Variants in ADARB1 observed in about 807,000 individuals in gnomAD.
ADARB1 encodes the protein adenosine deaminase RNA specific B1.
In ADARB1, 10 loss-of-function variants were observed where a neutral mutation model predicts 52.4. That is an observed-to-expected ratio of 0.19 (90% CI 0.12 to 0.32). The LOEUF (loss-of-function observed/expected upper bound fraction) is 0.32, where lower values mean the gene tolerates loss of function less well. Ranked by LOEUF, ADARB1 falls within the 10% of genes least tolerant of loss-of-function variation. ADARB1 has a pLI of 1.00. For synonymous variants in ADARB1, 349 were observed against 371.1 expected (o/e 0.94, Z 0.68); for missense variants, 643 against 922.3 (o/e 0.70, Z 3.92).
At chr21:45,159,292 T>G (rs1267178848) in intron 2 of ADARB1, among the ~76,000 whole-genome samples, 2 of 152,056 alleles carry the variant, frequency 1.3e-5, no homozygotes, top group Non-Finnish European at 2.9e-5. Context: ...AAAAGTCAGA[T>G]CTCATGAGAC....
At chr21:45,123,095 C>T (rs1006357610) in intron 1 of ADARB1, among the ~76,000 whole-genome samples, 5 of 152,184 alleles carry the variant, frequency 3.3e-5, no homozygotes, top group South Asian at 2.1e-4. Flanking sequence ...TTTTCTAATA[C>T]ATTTTTATTG....
intron 6 of ADARB1, 134 bp downstream of exon 6, chr21:45,182,887 A>G (rs909995808): frequency 1.2e-6 from 1 of 832,104 alleles, no homozygotes; most frequent in South Asian, 2.0e-5. Context: ...ATTAGTAACA[A>G]TAAGGCTGCA....
intron 8 of ADARB1, among the ~76,000 whole-genome samples, chr21:45,190,833 A>C (rs2092261614): frequency 6.6e-6 from 1 of 152,226 alleles, no homozygotes; most frequent in African/African-American, 2.4e-5. Flanking sequence ...ACATCAGACT[A>C]ATGATCCACT....
chr21:45,180,647 G>T (rs763205688), intron 5 of ADARB1, among the ~76,000 whole-genome samples: 3 of 152,162 alleles, frequency 2.0e-5, no homozygotes, highest in Non-Finnish European at 4.4e-5. Flanking sequence ...ACCTAAGTTT[G>T]TTTTATCTGG....
chr21:45,225,224 A>G lies in ADARB1; in HGVS notation c.*3027A>G. 9.2e-7 allele frequency: 1 copy of G among 1,089,456 alleles called. No individual in the cohort carries two copies. The highest frequency in any genetic ancestry group is 1.1e-6 in the Non-Finnish European group (1 of 898,006). 67.5% of individuals were successfully genotyped at this position (1,089,456 alleles called of 1,614,324 possible). A position where few individuals can be genotyped will look rare whatever the true frequency, so the allele number is the denominator to read the frequency against. ...GGCGGTGTGTTCTGTGCCATGAGGC[A>G]GCGACAGGTCCAGATGGATGTCGTC... On this transcript the variant is annotated 3_prime_UTR_variant, in exon 11 of 11. Coordinates refer to ENST00000348831, the MANE Select transcript of ADARB1 (RefSeq NM_001112.4).
chr21:45,161,852 G>A (rs555029010), intron 2 of ADARB1, among the ~76,000 whole-genome samples: 21 of 152,168 alleles, frequency 1.4e-4, no homozygotes, highest in Non-Finnish European at 1.9e-4. Context: ...AAAAACCCCC[G>A]GACTCAGCCA....
At position 45,142,083 on chromosome 21, in the gene ADARB1, G is replaced by A. The variant is rs957488308; in HGVS notation, c.-48+13510G>A. On this transcript the variant is annotated intron_variant, in intron 2 of 10. Coordinates refer to ENST00000348831, the MANE Select transcript of ADARB1 (RefSeq NM_001112.4). The surrounding 1 kb of genome is among the most constrained non-coding windows in gnomAD (Gnocchi z 4.0). The stretch of plus-strand genomic sequence containing the variant: ...CCTTAGCCACCCCCGGGCCACCTTG[G>A]CCACTCTGGGTCACCTTGTCTACCC... 6.6e-6 allele frequency among the ~76,000 whole-genome samples: 1 copy of A among 152,178 alleles called. No individual in the cohort carries two copies. Among genetic ancestry groups the A allele is most frequent in the Non-Finnish European group, 1.5e-5 (1 of 68,014 alleles).
intron 2 of ADARB1, among the ~76,000 whole-genome samples, chr21:45,129,731 G>T (rs906279750): frequency 6.6e-6 from 1 of 152,040 alleles, no homozygotes; most frequent in Admixed American, 6.6e-5. Flanking sequence ...ATAGGTAGGG[G>T]GCGGTCACCA....
chr21:45,075,152 G>A (rs1413720295), intron 1 of ADARB1, among the ~76,000 whole-genome samples: 8 of 151,514 alleles, frequency 5.3e-5, no homozygotes, highest in African/African-American at 1.9e-4. Context: ...TTGGGGAGGG[G>A]ACGGTGTGCC....
intron 1 of ADARB1, among the ~76,000 whole-genome samples, chr21:45,075,193 G>C (rs1371827759): frequency 6.6e-6 from 1 of 150,682 alleles, no homozygotes; most frequent in African/African-American, 2.4e-5. Flanking sequence ...TGGGGACGAG[G>C]CTGCGCCCGG....
chr21:45,189,083 C>T (rs1462518645), intron 8 of ADARB1, among the ~76,000 whole-genome samples: 2 of 152,154 alleles, frequency 1.3e-5, no homozygotes, highest in Admixed American at 6.5e-5. Flanking sequence ...CCCTATGATT[C>T]GATTACCTCC....
intron 1 of ADARB1, among the ~76,000 whole-genome samples, chr21:45,102,711 C>T (rs2087075461): frequency 6.6e-6 from 1 of 152,172 alleles, no homozygotes; most frequent in Non-Finnish European, 1.5e-5. Context: ...AATAAATATC[C>T]ATGAGTCCAG....
At chr21:45,088,521 C>T (rs887358667) in intron 1 of ADARB1, among the ~76,000 whole-genome samples, 3 of 152,168 alleles carry the variant, frequency 2.0e-5, no homozygotes, top group African/African-American at 7.2e-5. Context: ...GGAGAAGGGA[C>T]ATCTCTTCCT....
Position 45,128,962 on chromosome 21 carries a change from A to C in ADARB1, c.-48+389A>C, listed in dbSNP as rs1227124759. 6.6e-6 allele frequency among the ~76,000 whole-genome samples: 1 copy of C among 152,218 alleles called. No homozygotes were observed. Among genetic ancestry groups the C allele is most frequent in the Non-Finnish European group, 1.5e-5 (1 of 68,042 alleles). Reference sequence around the variant, plus strand: ...TTATTTTCTTAGGAGTAATTAAAAGAAAATTTTCCTGTAATCCCAGCACAT... The same window carrying C: ...TTATTTTCTTAGGAGTAATTAAAAGCAAATTTTCCTGTAATCCCAGCACAT... On this transcript the variant is annotated intron_variant, in intron 2 of 10. Transcript: ENST00000348831. This position sits in a 1 kb window ranked among gnomAD's most constrained non-coding sequence, Gnocchi z 4.6.
chr21:45,074,838 C>G (rs985325057), intron 1 of ADARB1, 45 bp downstream of exon 1: 1 of 148,320 alleles, frequency 6.7e-6, no homozygotes, highest in Non-Finnish European at 1.5e-5. Context: ...GGCGCGGGCT[C>G]CGGACCCCGC....
At position 45,204,584 on chromosome 21, in the gene ADARB1, T is replaced by C; in HGVS notation, c.1595T>C (p.Leu532Pro). The C allele has an allele frequency of 6.2e-7, 1 of 1,614,172 alleles. No homozygotes were observed. The highest frequency in any genetic ancestry group is 8.5e-7 in the Non-Finnish European group (1 of 1,180,018). The change falls in exon 9 of 11, where the codon CTG becomes CCG. Residue 532 changes from leucine to proline, a missense_variant. Leu to Pro is a moderately conservative substitution (Grantham distance 98, BLOSUM62 -3). This residue lies in a region of ADARB1 where 263 missense variants were observed against 475.8 expected (regional missense o/e 0.55). Coordinates refer to ENST00000348831, the MANE Select transcript of ADARB1 (RefSeq NM_001112.4). The surrounding 1 kb of genome is among the most constrained non-coding windows in gnomAD (Gnocchi z 4.4). Reference sequence around the variant, plus strand: ...AACGTGGTGGGCATCCAGGGATCCCTGCTCAGCATTTTCGTGGAGCCCATT... The same window carrying C: ...AACGTGGTGGGCATCCAGGGATCCCCGCTCAGCATTTTCGTGGAGCCCATT... ...RWNVVGIQGS[L>P]LSIFVEPIYF...
At chr21:45,122,894 C>G (rs150853670) in intron 1 of ADARB1, among the ~76,000 whole-genome samples, 2 of 152,182 alleles carry the variant, frequency 1.3e-5, no homozygotes, top group African/African-American at 4.8e-5. Context: ...AATCTCATAG[C>G]TCTTCTGCAC....
At chr21:45,082,598 A>T (rs1217873066) in intron 1 of ADARB1, among the ~76,000 whole-genome samples, 1 of 152,244 alleles carries the variant, frequency 6.6e-6, no homozygotes, top group African/African-American at 2.4e-5. Flanking sequence ...TTATCAGATC[A>T]GAAAACTGAT....
intron 1 of ADARB1, among the ~76,000 whole-genome samples, chr21:45,096,567 T>C (rs571792373): frequency 2.1e-4 from 32 of 152,290 alleles, no homozygotes; most frequent in African/African-American, 6.7e-4. Flanking sequence ...GATTTGTTTC[T>C]GGTGAGCCTT....
Sources: gnomAD v4.1 joint callset for allele counts (sites outside exome capture counted in the v4.1 genomes callset) on GRCh38, gnomAD v4.1.1 for gene constraint, gnomAD v4.1.1 regional missense constraint, Gnocchi (gnomAD v3.1) non-coding constraint, MANE v1.5 for transcripts, NCBI Gene and HGNC (gene_info 2026-07-23, HGNC 2026-07-21) for gene names.